KHDC1: variants seen among roughly 807,000 people sequenced by gnomAD.
KHDC1 encodes the protein KH domain containing 1, also known as KH homology domain-containing protein 1.
In KHDC1, 21 loss-of-function variants were observed where a neutral mutation model predicts 24.7. That is an observed-to-expected ratio of 0.85 (90% CI 0.60 to 1.23). The LOEUF is 1.23. Among genes scored for constraint, KHDC1 ranks in the 50% most tolerant of loss-of-function variants. KHDC1 has a pLI of 0.00. For synonymous variants in KHDC1, 98 were observed against 111.7 expected (o/e 0.88, Z 0.77); for missense variants, 274 against 298.5 (o/e 0.92, Z 0.61).
intron 1 of KHDC1, among the ~76,000 whole-genome samples, chr6:73,307,972 T>C (rs533022813): frequency 1.6e-3 from 248 of 152,132 alleles, no homozygotes; most frequent in Non-Finnish European, 2.2e-3. Context: ...GTGCAATCCC[T>C]GCTTACTGCA....
intron 2 of KHDC1, chr6:73,263,133 C>A (rs546753967): frequency 4.0e-6 from 4 of 993,252 alleles, no homozygotes; most frequent in South Asian, 4.5e-5. Flanking sequence ...CTGGGCCGCG[C>A]ACCCGACCCT....
rs549813621 is a variant in KHDC1 at position 73,308,804 on chromosome 6, G to T, written c.163+748C>A. ...GCCACCGCACCCGGTAGAGTTTTTT[G>T]CTGTTGTTTTTTGTTGGTTTGTTTT... On this transcript the variant is annotated intron_variant, in intron 1 of 4. Transcript: ENST00000370384. Among the ~76,000 whole-genome samples, 4 of 152,080 alleles carry T rather than the reference G, an allele frequency of 2.6e-5. No homozygotes were observed. In the East Asian group the frequency reaches 7.8e-4, roughly 29 times the overall value.
At chr6:73,259,280 CTTT>C (rs59935884) in intron 2 of KHDC1, among the ~76,000 whole-genome samples, 2 of 73,238 alleles carry the variant, frequency 2.7e-5, no homozygotes, top group Non-Finnish European at 4.7e-5. Flanking sequence ...ATCCAATATG[CTTT>C]TTTTTTTTTT....
At chr6:73,276,338 T>A (rs1767297286) in intron 2 of KHDC1, 1 of 151,642 alleles carries the variant, frequency 6.6e-6, no homozygotes, top group South Asian at 2.1e-4. Context: ...AATGCAAAAA[T>A]TAGCCAGATG....
chr6:73,242,501 C>G lies in KHDC1; in HGVS notation c.236G>C (p.Ser79Thr). 1.9e-6 allele frequency: 3 copies of G among 1,614,180 alleles called. No homozygotes were observed. In the South Asian group the frequency reaches 3.3e-5, roughly 18 times the overall value. The change falls in exon 3 of 5, where the codon AGT becomes ACT. Residue 79 changes from serine to threonine, a missense_variant. By Grantham distance (58) the Ser-to-Thr change is moderately conservative. Transcript: ENST00000370384. Reference sequence around the variant, plus strand: ...CCACCACGGCTTCTTGCTGAGAGCACTCGTTCCCATGTCCATGCTCTGCTC... The same window carrying G: ...CCACCACGGCTTCTTGCTGAGAGCAGTCGTTCCCATGTCCATGCTCTGCTC...
intron 2 of KHDC1, 22 bp from the exon 1 acceptor site, chr6:73,263,218 G>A: frequency 1.0e-6 from 1 of 987,168 alleles, no homozygotes; most frequent in Non-Finnish European, 1.2e-6. Flanking sequence ...CGCCGGAAGC[G>A]CGCGGCTGCG....
intron 2 of KHDC1, among the ~76,000 whole-genome samples, chr6:73,244,701 G>GT (rs1766632009): frequency 7.3e-6 from 1 of 136,792 alleles, no homozygotes; most frequent in Non-Finnish European, 1.6e-5. Context: ...GGGCGGGGGG[G>GT]CGGGGGGGGG....
chr6:73,251,879 C>A (rs900173027), intron 2 of KHDC1, among the ~76,000 whole-genome samples: 1 of 150,854 alleles, frequency 6.6e-6, no homozygotes, highest in African/African-American at 2.4e-5. Context: ...CTAACTGCAC[C>A]CTCAGCCTCC....
intron 2 of KHDC1, among the ~76,000 whole-genome samples, chr6:73,270,912 G>A (rs1390873100): frequency 1.3e-5 from 2 of 151,822 alleles, no homozygotes; most frequent in South Asian, 2.1e-4. Context: ...GGCTGGTCTC[G>A]ATCTCCTGAC....
chr6:73,248,343 C>A (rs559019522), intron 2 of KHDC1, among the ~76,000 whole-genome samples: 1 of 151,866 alleles, frequency 6.6e-6, no homozygotes, highest in Non-Finnish European at 1.5e-5. Context: ...TACTTTAATC[C>A]GATGTTCCAC....
chr6:73,283,858 G>A lies in KHDC1; in HGVS notation c.206+8140C>T, dbSNP rs907707623. ...CCCACAGTGCTGGGATTACAGGAGT[G>A]ACCACCGTGCCTGGCACCATTCTTT... On this transcript the variant is annotated intron_variant, in intron 2 of 4. Coordinates refer to ENST00000370384, the Ensembl canonical transcript of KHDC1. Among the ~76,000 whole-genome samples the A allele has an allele frequency of 3.3e-5, 5 of 151,870 alleles. No individual in the cohort carries two copies. The South Asian group carries it at 1.0e-3, about 32-fold the overall frequency.
chr6:73,288,967 T>C (rs761250615), intron 2 of KHDC1, among the ~76,000 whole-genome samples: 25 of 152,170 alleles, frequency 1.6e-4, no homozygotes, highest in Non-Finnish European at 2.9e-4. Context: ...ATTTCTTGCA[T>C]ATCAGAGACA....
At chr6:73,262,679 G>T in intron 2 of KHDC1, 95 bp downstream of exon 1, 1 of 949,516 alleles carries the variant, frequency 1.1e-6, no homozygotes, top group Non-Finnish European at 1.3e-6. Flanking sequence ...TGTTTCCCCT[G>T]TTTTTACACT....
At chr6:73,243,100 G>A (rs951192873) in intron 2 of KHDC1, among the ~76,000 whole-genome samples, 5 of 152,134 alleles carry the variant, frequency 3.3e-5, no homozygotes, top group Non-Finnish European at 5.9e-5. Context: ...TCTAAAATGG[G>A]GCAATTTGGT....
chr6:73,281,073 G>A (rs903279089), intron 2 of KHDC1, among the ~76,000 whole-genome samples: 1 of 152,052 alleles, frequency 6.6e-6, no homozygotes, highest in Non-Finnish European at 1.5e-5. Context: ...GCCTGGCATG[G>A]TGGTGCCTGT....
rs70994182 is a variant in KHDC1, at chr6:73,278,009, G to GTTT, written c.206+13986_206+13988dup. ...TGCTTTCTCTCTCTCTCTCTCGGGT[G>GTTT]TTTTTTTTTTTTTTTTTTTTTGAAA... On this transcript the variant is annotated intron_variant, in intron 2 of 4. Transcript: ENST00000370384. 6.2e-4 allele frequency among the ~76,000 whole-genome samples: 66 copies of GTTT among 106,344 alleles called. 1 individual carries two copies. The highest frequency in any genetic ancestry group is 8.1e-4 in the African/African-American group (21 of 25,834). The allele number at this position is 106,344 out of a possible 152,430, so 69.8% of individuals were successfully genotyped here.
chr6:73,291,022 T>C (rs1410159456), intron 2 of KHDC1: 8 of 383,048 alleles, frequency 2.1e-5, no homozygotes, highest in Non-Finnish European at 4.1e-5. Flanking sequence ...CCTGAAGAGA[T>C]TGAAAAGGAA....
At chr6:73,263,846 C>A (rs763427466) in intron 2 of KHDC1, among the ~76,000 whole-genome samples, 4 of 152,188 alleles carry the variant, frequency 2.6e-5, no homozygotes, top group Non-Finnish European at 5.9e-5. Flanking sequence ...CCCTCCCTGG[C>A]AGTATTGGGA....
At chr6:73,306,982 C>A (rs1767977792) in intron 1 of KHDC1, among the ~76,000 whole-genome samples, 1 of 152,302 alleles carries the variant, frequency 6.6e-6, no homozygotes, top group East Asian at 1.9e-4. Context: ...GCACTCCAGC[C>A]TGGGTGACAG....
Sources: gnomAD v4.1 joint callset for allele counts (sites outside exome capture counted in the v4.1 genomes callset) on GRCh38, gnomAD v4.1.1 for gene constraint, MANE v1.5 for transcripts, NCBI Gene and HGNC (gene_info 2026-07-23, HGNC 2026-07-21) for gene names.